The following CA10 variants were observed in gnomAD, a reference collection of about 807,000 sequenced individuals.
CA10 encodes carbonic anhydrase 10 (inactive), also known as carbonic anhydrase-related protein 10.
A neutral mutation model predicts 44.2 loss-of-function variants in CA10; 14 were observed. The ratio of observed to expected loss-of-function variants is 0.32; its 90% CI spans 0.21 to 0.50. The LOEUF (loss-of-function observed/expected upper bound fraction) is 0.50. Ranked by LOEUF, CA10 falls within the 20% of genes least tolerant of loss-of-function variation. The pLI is 0.99. For synonymous variants in CA10, 159 were observed against 141.6 expected (o/e 1.12, Z -0.87); for missense variants, 350 against 409.7 (o/e 0.85, Z 1.26).
intron 2 of CA10, among the ~76,000 whole-genome samples, chr17:51,992,158 T>C (rs1049178042): frequency 1.3e-5 from 2 of 152,210 alleles, no homozygotes; most frequent in East Asian, 1.9e-4. Context: ...TCCTCCCTCC[T>C]TGGAGGCAAC....
At chr17:51,888,955 G>A (rs1030370149) in intron 3 of CA10, among the ~76,000 whole-genome samples, 2 of 152,252 alleles carry the variant, frequency 1.3e-5, no homozygotes, top group East Asian at 3.9e-4. Flanking sequence ...GGTTCTCTGG[G>A]ATGGCTGTCT....
chr17:51,831,834 G>T (rs554165571), intron 3 of CA10, among the ~76,000 whole-genome samples: 4 of 152,190 alleles, frequency 2.6e-5, no homozygotes, highest in African/African-American at 9.6e-5. Flanking sequence ...GATAGTCATG[G>T]TTAGCTTAGA....
At chr17:51,647,308 C>T (rs1378420140) in intron 6 of CA10, among the ~76,000 whole-genome samples, 1 of 152,174 alleles carries the variant, frequency 6.6e-6, no homozygotes, top group African/African-American at 2.4e-5. Flanking sequence ...GGCACTGAGA[C>T]GAAGAGCTGA....
intron 2 of CA10, among the ~76,000 whole-genome samples, chr17:52,018,648 T>C (rs1986042828): frequency 6.6e-6 from 1 of 152,116 alleles, no homozygotes; most frequent in African/African-American, 2.4e-5. Context: ...AAGCTTGCCT[T>C]GAGTGTCAGA....
At chr17:52,014,840 C>A (rs537251816) in intron 2 of CA10, among the ~76,000 whole-genome samples, 1 of 151,874 alleles carries the variant, frequency 6.6e-6, no homozygotes, top group Non-Finnish European at 1.5e-5. Context: ...CAGAGAAATG[C>A]GTATTTGAAA....
intron 4 of CA10, among the ~76,000 whole-genome samples, chr17:51,667,375 C>T (rs1222720930): frequency 6.6e-6 from 1 of 152,144 alleles, no homozygotes; most frequent in African/African-American, 2.4e-5. Flanking sequence ...GCACCACTCC[C>T]ACTAACTGCT....
chr17:52,133,042 GA>G (rs1989276035), intron 1 of CA10, among the ~76,000 whole-genome samples: 1 of 152,204 alleles, frequency 6.6e-6, no homozygotes, highest in African/African-American at 2.4e-5. Flanking sequence ...CAAAGGTAAG[GA>G]AAAGCTGGGA....
At chr17:51,894,423 A>G (rs1381839498) in intron 3 of CA10, among the ~76,000 whole-genome samples, 1 of 152,116 alleles carries the variant, frequency 6.6e-6, no homozygotes, top group African/African-American at 2.4e-5. Context: ...AACTTTGATT[A>G]CCATAATGGG....
At chr17:51,843,004 G>A (rs1316265787) in intron 3 of CA10, among the ~76,000 whole-genome samples, 1 of 152,190 alleles carries the variant, frequency 6.6e-6, no homozygotes, top group Non-Finnish European at 1.5e-5. Context: ...CATCTCCATT[G>A]CTAAAAATTC....
chr17:51,817,178 G>A (rs764016064), intron 3 of CA10, among the ~76,000 whole-genome samples: 75 of 152,216 alleles, frequency 4.9e-4, no homozygotes, highest in East Asian at 1.5e-3. Context: ...ACAGATGAAG[G>A]GTTTTTTATG....
chr17:51,720,086 T>C (rs1244031759), intron 4 of CA10, among the ~76,000 whole-genome samples: 1 of 152,194 alleles, frequency 6.6e-6, no homozygotes, highest in Non-Finnish European at 1.5e-5. Context: ...AAATATTATT[T>C]GGTTTTTGTC....
intron 8 of CA10, among the ~76,000 whole-genome samples, chr17:51,633,227 C>A (rs975941280): frequency 6.6e-6 from 1 of 152,104 alleles, no homozygotes; most frequent in African/African-American, 2.4e-5. Context: ...ATCTACCTAC[C>A]GTCCATCCAT....
intron 3 of CA10, among the ~76,000 whole-genome samples, chr17:51,863,661 C>T (rs953761538): frequency 1.3e-5 from 2 of 152,148 alleles, no homozygotes; most frequent in Non-Finnish European, 2.9e-5. Context: ...CTGGTCCCCA[C>T]GGACACCCTC....
intron 3 of CA10, among the ~76,000 whole-genome samples, chr17:51,797,568 G>A (rs540127373): frequency 2.6e-5 from 4 of 152,160 alleles, no homozygotes; most frequent in African/African-American, 9.6e-5. Flanking sequence ...TAAAAAGAAA[G>A]GAAGAGGCCA....
intron 3 of CA10, among the ~76,000 whole-genome samples, chr17:51,754,377 C>A (rs1262324269): frequency 7.4e-6 from 1 of 136,028 alleles, no homozygotes; most frequent in Non-Finnish European, 1.6e-5. Context: ...CGCACACACA[C>A]ATACATACTA....
intron 2 of CA10, among the ~76,000 whole-genome samples, chr17:51,946,918 C>T (rs1168314344): frequency 1.3e-5 from 2 of 152,014 alleles, no homozygotes; most frequent in Non-Finnish European, 2.9e-5. Flanking sequence ...GCTACCACAC[C>T]ACACAGCTGG....
chr17:52,071,602 CTTTA>C (rs1221844405), intron 2 of CA10, among the ~76,000 whole-genome samples: 4 of 152,252 alleles, frequency 2.6e-5, no homozygotes, highest in Middle Eastern at 3.4e-3. Flanking sequence ...CTGCTGAGAG[CTTTA>C]TTTCTTATTC....
chr17:51,750,796 A>G (rs1386142551), intron 3 of CA10, among the ~76,000 whole-genome samples: 3 of 152,252 alleles, frequency 2.0e-5, no homozygotes, highest in Admixed American at 6.5e-5. Context: ...TATGACATGC[A>G]TGCTTTGTGC....
At chr17:51,901,295 A>G (rs1981303892) in intron 3 of CA10, among the ~76,000 whole-genome samples, 1 of 152,038 alleles carries the variant, frequency 6.6e-6, no homozygotes, top group African/African-American at 2.4e-5. Context: ...GGCTCAGCTT[A>G]GTATTTCTGG....
Sources: gnomAD v4.1 joint callset for allele counts (sites outside exome capture counted in the v4.1 genomes callset) on GRCh38, gnomAD v4.1.1 for gene constraint, MANE v1.5 for transcripts, NCBI Gene and HGNC (gene_info 2026-07-23, HGNC 2026-07-21) for gene names.